The following KPNA1 variants were observed in gnomAD, a reference collection of about 807,000 sequenced individuals.
KPNA1 encodes karyopherin subunit alpha 1.
KPNA1 carries 10 observed loss-of-function variants against 70.5 expected under a neutral mutation model. That is an observed-to-expected ratio of 0.14 (90% CI 0.09 to 0.24). The LOEUF (loss-of-function observed/expected upper bound fraction) is 0.24. KPNA1 is among the 10% of genes least tolerant of loss of function. KPNA1 has a pLI of 1.00. For synonymous variants in KPNA1, 192 were observed against 221.9 expected (o/e 0.87, Z 1.20); for missense variants, 397 against 637.9 (o/e 0.62, Z 4.07).
chr3:122,496,319 A>AAGACACACACAC, intron 2 of KPNA1, 118 bp downstream of exon 2: 2 of 439,332 alleles, frequency 4.6e-6, no homozygotes. Context: ...AGAAGGGGAA[A>AAGACACACACAC]ACACACACAC....
rs148226308 is a variant in KPNA1 at position 122,427,539 on chromosome 3, A to C, written c.1428T>G (p.Tyr476Ter). 1 of 1,611,308 alleles carries C rather than the reference A, an allele frequency of 6.2e-7. No individual in the cohort carries two copies. The change falls in exon 13 of 14, where the codon TAT becomes TAG. Residue 476 changes from tyrosine (Y) to a stop codon, truncating the protein, a stop_gained and splice_region_variant. Coordinates refer to ENST00000344337, the MANE Select transcript of KPNA1 (RefSeq NM_002264.4). LOFTEE classifies it high-confidence loss of function. ...ACTTCTTCAACCAAAGCATCTTACCATAAGCTTCTTCAATCAAAGCACAGT... is the reference window on the plus strand; with the variant it reads ...ACTTCTTCAACCAAAGCATCTTACCCTAAGCTTCTTCAATCAAAGCACAGT... The part of the protein sequence containing the change: ...NPYCALIEEA[Y>*]GLDKIEFLQS...
At chr3:122,457,673 G>A (rs1267879174) in intron 5 of KPNA1, 69 of 1,253,156 alleles carry the variant, frequency 5.5e-5, no homozygotes, top group Non-Finnish European at 6.8e-5. Flanking sequence ...ACCTTCTGGC[G>A]CTCAGTTCCT....
chr3:122,514,239 G>A lies in KPNA1; in HGVS notation c.-6+518C>T, dbSNP rs894345437. ...CCCCCCGCTTCCCCCACCTCCCTCCGGGCCGCCGGCTCCGACCCGGTCTGT... is the reference window on the plus strand; with the variant it reads ...CCCCCCGCTTCCCCCACCTCCCTCCAGGCCGCCGGCTCCGACCCGGTCTGT... On this transcript the variant is annotated intron_variant, in intron 1 of 13. Transcript: ENST00000344337. Among the ~76,000 whole-genome samples the A allele has an allele frequency of 2.7e-5, 4 of 150,408 alleles. No homozygotes were observed. The East Asian group carries it at 8.0e-4, about 30-fold the overall frequency.
chr3:122,432,433 TTTG>T (rs2075923222), intron 12 of KPNA1: 1 of 152,218 alleles, frequency 6.6e-6, no homozygotes, highest in African/African-American at 2.4e-5. Context: ...ATTTCTGTAC[TTTG>T]TTACTATTTT....
intron 2 of KPNA1, among the ~76,000 whole-genome samples, chr3:122,480,648 A>T (rs4571179): frequency 0.13 from 20,177 of 151,658 alleles, 1,416 homozygotes; most frequent in Middle Eastern, 0.27. Context: ...ATGTGGTACA[A>T]TTTTTTTTAA....
chr3:122,449,285 C>T (rs975120243), intron 9 of KPNA1, among the ~76,000 whole-genome samples: 7 of 152,096 alleles, frequency 4.6e-5, no homozygotes, highest in East Asian at 3.8e-4. Context: ...TTCTGATGTC[C>T]GGTGGTTGAT....
At chr3:122,508,550 G>C (rs550699260) in intron 1 of KPNA1, among the ~76,000 whole-genome samples, 1 of 152,272 alleles carries the variant, frequency 6.6e-6, no homozygotes, top group Non-Finnish European at 1.5e-5. Context: ...ATTGATAACA[G>C]AATTACATGA....
At chr3:122,507,458 AAAG>A (rs1208304708) in intron 1 of KPNA1, among the ~76,000 whole-genome samples, 1 of 149,376 alleles carries the variant, frequency 6.7e-6, no homozygotes, top group Non-Finnish European at 1.5e-5. Context: ...AAAAAAAAGA[AAAG>A]AGAAGATATC....
intron 10 of KPNA1, 81 bp downstream of exon 10, chr3:122,441,957 A>C (rs943350222): frequency 8.8e-6 from 9 of 1,026,736 alleles, no homozygotes; most frequent in Non-Finnish European, 1.4e-5. Context: ...AATATGGAGT[A>C]AAATACGATA....
chr3:122,506,635 A>G (rs1205571559), intron 1 of KPNA1, among the ~76,000 whole-genome samples: 3 of 152,222 alleles, frequency 2.0e-5, no homozygotes, highest in African/African-American at 4.8e-5. Context: ...TGTGGCAGAC[A>G]TATGATTCAT....
At chr3:122,455,147 A>T (rs749811058) in intron 5 of KPNA1, among the ~76,000 whole-genome samples, 38 of 152,252 alleles carry the variant, frequency 2.5e-4, no homozygotes, top group Non-Finnish European at 4.4e-4. Context: ...GGTAGCTGTC[A>T]GGTAGAAAAC....
intron 6 of KPNA1, 35 bp downstream of exon 6, chr3:122,453,835 T>C: frequency 6.4e-7 from 1 of 1,574,060 alleles, no homozygotes; most frequent in Non-Finnish European, 8.6e-7. Flanking sequence ...AGCCAAAAAC[T>C]TTCTTTCACC....
At position 122,423,249 on chromosome 3, in the gene KPNA1, A is replaced by T. The variant is rs2075780927; in HGVS notation, c.*3736T>A. 1 of 152,214 alleles carries T rather than the reference A, an allele frequency of 6.6e-6. No individual in the cohort carries two copies. The highest frequency in any genetic ancestry group is 1.5e-5 in the Non-Finnish European group (1 of 68,026). 9.4% of individuals were successfully genotyped at this position (152,214 alleles called of 1,614,324 possible). A position where few individuals can be genotyped will look rare whatever the true frequency, so the allele number is the denominator to read the frequency against. On this transcript the variant is annotated 3_prime_UTR_variant, in exon 14 of 14. Coordinates refer to ENST00000344337, the MANE Select transcript of KPNA1 (RefSeq NM_002264.4). Reference sequence around the variant, plus strand: ...AGACCAAAATATTTCCCAACCTGGCAGATATATACTTAATCTGTTCAGCTC... The same window carrying T: ...AGACCAAAATATTTCCCAACCTGGCTGATATATACTTAATCTGTTCAGCTC...
intron 4 of KPNA1, among the ~76,000 whole-genome samples, chr3:122,462,997 C>T (rs74674753): frequency 0.029 from 4,363 of 151,880 alleles, 92 homozygotes; most frequent in Non-Finnish European, 0.045. Context: ...CAGAGGCAGA[C>T]GGATCATGAT....
intron 2 of KPNA1, among the ~76,000 whole-genome samples, chr3:122,476,861 CAAA>C (rs144118691): frequency 9.6e-4 from 63 of 65,500 alleles, no homozygotes; most frequent in Non-Finnish European, 9.1e-4. Context: ...GGAGGTTCCA[CAAA>C]AAAAAAAAAA....
chr3:122,429,592 A>G (rs2075873221), intron 12 of KPNA1, among the ~76,000 whole-genome samples: 1 of 152,132 alleles, frequency 6.6e-6, no homozygotes, highest in Admixed American at 6.5e-5. Context: ...TTCCATGCTC[A>G]TGGACAAGAC....
intron 9 of KPNA1, among the ~76,000 whole-genome samples, chr3:122,446,790 A>C (rs576322153): frequency 6.6e-6 from 1 of 152,312 alleles, no homozygotes; most frequent in South Asian, 2.1e-4. Context: ...ACTAATAAAG[A>C]AAAGAGAAAA....
chr3:122,453,959 A>C lies in KPNA1; in HGVS notation c.475T>G (p.Ser159Ala). ...WVLTNIASGN[S>A]LQTRIVIQAG... ...TGAATCACAATTCGGGTCTGAAGAG[A>C]ATTTCCTGAAGCAATATTTGTCAGT... Residue 159 changes from serine (S) to alanine (A), a missense_variant, in exon 6 of 14, where the codon TCT becomes GCT. Physicochemically the swap from Ser to Ala is moderately conservative, Grantham distance 99 (BLOSUM62 1). Coordinates refer to ENST00000344337, the MANE Select transcript of KPNA1 (RefSeq NM_002264.4). 6.2e-7 allele frequency: 1 copy of C among 1,611,950 alleles called. No individual in the cohort carries two copies. The highest frequency in any genetic ancestry group is 8.5e-7 in the Non-Finnish European group (1 of 1,178,370).
In KPNA1 at chr3:122,468,290, A is replaced by T. The variant is rs561961970; in HGVS notation, c.130-861T>A. Among the ~76,000 whole-genome samples the T allele has an allele frequency of 1.5e-4, 23 of 152,318 alleles. No homozygotes were observed. The South Asian group carries it at 3.9e-3, about 26-fold the overall frequency. ...ATGCTCCTTGGATTTGAGAAAACAC[A>T]GTTCAGAGCTGAGAAGGCCAAGAGA... is the stretch of plus-strand genomic sequence containing the variant. On this transcript the variant is annotated intron_variant, in intron 2 of 13. Transcript: ENST00000344337.
Sources: gnomAD v4.1 joint callset for allele counts (sites outside exome capture counted in the v4.1 genomes callset) on GRCh38, gnomAD v4.1.1 for gene constraint, MANE v1.5 for transcripts, NCBI Gene and HGNC (gene_info 2026-07-23, HGNC 2026-07-21) for gene names.